The following NOL4 variants were observed in gnomAD, a reference collection of about 807,000 sequenced individuals.
NOL4 encodes cancer/testis antigen 125.
Under a neutral mutation model 75.9 loss-of-function variants are expected in NOL4, and 17 were observed. The ratio of observed to expected loss-of-function variants is 0.22; its 90% CI spans 0.15 to 0.34. The LOEUF (loss-of-function observed/expected upper bound fraction) is 0.34. Among genes scored for constraint, NOL4 ranks in the 10% least tolerant of loss-of-function variants. NOL4 has a pLI of 1.00. For synonymous variants in NOL4, 292 were observed against 289.9 expected, an observed-to-expected ratio of 1.01 and a Z score of -0.07; for missense variants, 614 against 793.5, an observed-to-expected ratio of 0.77 and a Z score of 2.72.
At chr18:34,018,120 G>A (rs2074813713) in intron 6 of NOL4, among the ~76,000 whole-genome samples, 1 of 152,114 alleles carries the variant, frequency 6.6e-6, no homozygotes, top group Non-Finnish European at 1.5e-5. Flanking sequence ...AGCATTTCAC[G>A]ATTATTTAAA....
intron 5 of NOL4, among the ~76,000 whole-genome samples, chr18:34,071,773 T>A (rs570008558): frequency 6.6e-6 from 1 of 152,282 alleles, no homozygotes; most frequent in East Asian, 1.9e-4. Context: ...AAATGCATTT[T>A]TCACTTACAA....
intron 5 of NOL4, among the ~76,000 whole-genome samples, chr18:34,045,963 C>T (rs2076345490): frequency 6.6e-6 from 1 of 152,086 alleles, no homozygotes; most frequent in Non-Finnish European, 1.5e-5. Context: ...AGAAACTCTC[C>T]TTAGTTTATG....
chr18:33,941,714 C>T (rs1414344867), intron 9 of NOL4, among the ~76,000 whole-genome samples: 1 of 151,826 alleles, frequency 6.6e-6, no homozygotes, highest in Non-Finnish European at 1.5e-5. Context: ...TCAAAGCACA[C>T]AGAACTGGAA....
intron 5 of NOL4, among the ~76,000 whole-genome samples, chr18:34,084,000 G>C (rs1275809594): frequency 1.3e-5 from 2 of 152,212 alleles, no homozygotes; most frequent in East Asian, 3.9e-4. Flanking sequence ...GGTATCACCA[G>C]TGGAGGCTGC....
chr18:34,080,458 A>G (rs142573254), intron 5 of NOL4, among the ~76,000 whole-genome samples: 2 of 152,260 alleles, frequency 1.3e-5, no homozygotes, highest in African/African-American at 4.8e-5. Flanking sequence ...ATAAGTTCCT[A>G]TAGACTCCGA....
chr18:34,203,362 T>C (rs996543558), intron 1 of NOL4, among the ~76,000 whole-genome samples: 2 of 152,028 alleles, frequency 1.3e-5, no homozygotes, highest in East Asian at 1.9e-4. Context: ...TTCCATATAT[T>C]GAGTGTGGTG....
Position 34,201,664 on chromosome 18 carries a change from T to C in NOL4, c.264+21326A>G, listed in dbSNP as rs144460326. Among the ~76,000 whole-genome samples the C allele has an allele frequency of 5.0e-3, 757 of 151,978 alleles. 7 individuals carry two copies. The highest frequency in any genetic ancestry group is 0.018 in the African/African-American group (733 of 41,532). On this transcript the variant is annotated intron_variant, in intron 1 of 10. Transcript: ENST00000261592. ...CTTCTAGGCCCACCTGAACAAATAT[T>C]AGGCCACATTCAATACATTCCTAAG...
At position 34,105,126 on chromosome 18, in the gene NOL4, G is replaced by T; in HGVS notation, c.449C>A (p.Ala150Glu). 6.2e-7 allele frequency: 1 copy of T among 1,611,708 alleles called. No individual in the cohort carries two copies. Among genetic ancestry groups the T allele is most frequent in the Non-Finnish European group, 8.5e-7 (1 of 1,178,196 alleles). The change falls in exon 3 of 11, where the codon GCG becomes GAG. Residue 150 changes from alanine (A) to glutamate (E), a missense_variant. Transcript: ENST00000261592. ...SESYAFLPRE[A>E]VTRFLMSCSE... The stretch of plus-strand genomic sequence containing the variant: ...GCAGCTCATTAGAAATCGTGTCACC[G>T]CTTCTCTTGGTAGGAAGGCATAGCT...
intron 1 of NOL4, among the ~76,000 whole-genome samples, chr18:34,174,348 TTC>T (rs2033336783): frequency 6.6e-6 from 1 of 152,156 alleles, no homozygotes; most frequent in Admixed American, 6.6e-5. Context: ...AAATCAACTT[TTC>T]AAAAACTCTT....
rs564600708 is a variant in NOL4, at chr18:34,200,426, C to A, written c.264+22564G>T. ...AGTTAAACTTATTCAATTTAAAAAT[C>A]TTGACTCTAAATCTTTCCTAGTTGT... On this transcript the variant is annotated intron_variant, in intron 1 of 10. Coordinates refer to ENST00000261592, the MANE Select transcript of NOL4 (RefSeq NM_003787.5). 1.4e-4 allele frequency among the ~76,000 whole-genome samples: 21 copies of A among 151,750 alleles called. No individual in the cohort carries two copies. The South Asian group carries it at 4.2e-3, about 30-fold the overall frequency.
At chr18:34,131,341 G>A (rs2080641450) in intron 1 of NOL4, among the ~76,000 whole-genome samples, 1 of 152,078 alleles carries the variant, frequency 6.6e-6, no homozygotes, top group Non-Finnish European at 1.5e-5. Flanking sequence ...GGTAAGCCTT[G>A]TGAGTAGTGG....
At chr18:33,904,223 A>T (rs1434563802) in intron 9 of NOL4, among the ~76,000 whole-genome samples, 1 of 152,058 alleles carries the variant, frequency 6.6e-6, no homozygotes, top group Non-Finnish European at 1.5e-5. Context: ...CCATCGAGGG[A>T]TAGTATGGAC....
intron 9 of NOL4, among the ~76,000 whole-genome samples, chr18:33,923,409 ATT>A (rs2067151214): frequency 6.6e-6 from 1 of 151,958 alleles, no homozygotes; most frequent in Admixed American, 6.6e-5. Flanking sequence ...TTTTATACAT[ATT>A]AACAGTTTAT....
intron 5 of NOL4, among the ~76,000 whole-genome samples, chr18:34,078,407 G>T (rs2077844053): frequency 6.6e-6 from 1 of 152,080 alleles, no homozygotes; most frequent in Non-Finnish European, 1.5e-5. Context: ...ATGTCTTTAA[G>T]CAACGCCATT....
intron 5 of NOL4, among the ~76,000 whole-genome samples, chr18:34,085,420 C>A (rs529375602): frequency 6.6e-6 from 1 of 152,198 alleles, no homozygotes; most frequent in East Asian, 1.9e-4. Flanking sequence ...AAAGAACTAA[C>A]CCAGCAGTAA....
At chr18:33,926,811 G>A (rs1385171694) in intron 9 of NOL4, among the ~76,000 whole-genome samples, 3 of 152,122 alleles carry the variant, frequency 2.0e-5, no homozygotes, top group East Asian at 3.9e-4. Context: ...TGTTGGCCAG[G>A]ATGGTCTCAA....
At position 33,898,395 on chromosome 18, in the gene NOL4, C is replaced by T. The variant is rs149028154; in HGVS notation, c.1543-14971G>A. On this transcript the variant is annotated intron_variant, in intron 9 of 10. Transcript: ENST00000261592. ...TCAGTTTTCCCCTCTGAGGCCTATG[C>T]CCAAATTGTCTATTTTTCAGTTTAA... Among the ~76,000 whole-genome samples, 233 of 152,224 alleles carry T rather than the reference C, an allele frequency of 1.5e-3. 1 individual carries two copies. The highest frequency in any genetic ancestry group is 5.4e-3 in the African/African-American group (224 of 41,542).
At chr18:33,874,080 C>T (rs16965005) in intron 10 of NOL4, among the ~76,000 whole-genome samples, 23,120 of 151,710 alleles carry the variant, frequency 0.15, 1,904 homozygotes, top group Non-Finnish European at 0.19. Flanking sequence ...GAACTGGATA[C>T]AAAATCTGAA....
At chr18:34,014,327 C>G (rs944122215) in intron 6 of NOL4, among the ~76,000 whole-genome samples, 4 of 151,904 alleles carry the variant, frequency 2.6e-5, no homozygotes, top group African/African-American at 9.7e-5. Context: ...GCAGTAACCA[C>G]AGTTGCACAT....
Sources: allele counts gnomAD v4.1 joint callset (sites outside exome capture counted in the v4.1 genomes callset), GRCh38; gene constraint gnomAD v4.1.1; transcripts MANE v1.5; gene names NCBI Gene and HGNC (gene_info 2026-07-23, HGNC 2026-07-21).